Variants in SOS2 observed in about 807,000 individuals in gnomAD.
SOS2 encodes the protein SOS Ras/Rho guanine nucleotide exchange factor 2.
A neutral mutation model predicts 148.2 loss-of-function variants in SOS2; 65 were observed. The ratio of observed to expected loss-of-function variants is 0.44; its 90% CI spans 0.36 to 0.54. The LOEUF (loss-of-function observed/expected upper bound fraction) is 0.54, where lower values mean the gene tolerates loss of function less well. Ranked by LOEUF, SOS2 falls within the 20% of genes least tolerant of loss-of-function variation. The pLI is 0.00. For synonymous variants in SOS2, 539 were observed against 537.1 expected, an observed-to-expected ratio of 1.00 and a Z score of -0.05; for missense variants, 1,341 against 1,590.2, an observed-to-expected ratio of 0.84 and a Z score of 2.67.
At chr14:50,172,685 T>C (rs1885407032) in intron 8 of SOS2, among the ~76,000 whole-genome samples, 1 of 152,080 alleles carries the variant, frequency 6.6e-6, no homozygotes, top group South Asian at 2.1e-4. Flanking sequence ...ATTCATTCTT[T>C]GAAGCCCAAA....
In SOS2 at chr14:50,180,532, TTAAAAAAA is replaced by T. The variant is rs1885698770; in HGVS notation, c.969+32_969+39del. On this transcript the variant is annotated intron_variant, in intron 7 of 22. Coordinates refer to ENST00000216373, the MANE Select transcript of SOS2 (RefSeq NM_006939.4). ...AATAGTGAGATATTTATTTGCTTTA[TTAAAAAAA>T]AAAAAAAAAAAAACCTTCAATTTAA... The T allele has an allele frequency of 1.7e-5, 8 of 466,660 alleles. No individual in the cohort carries two copies. The Admixed American group carries it at 2.3e-4, about 13-fold the overall frequency. 28.9% of individuals were successfully genotyped at this position (466,660 alleles called of 1,614,324 possible).
At chr14:50,192,597 C>A (rs1886179961) in intron 4 of SOS2, among the ~76,000 whole-genome samples, 1 of 151,852 alleles carries the variant, frequency 6.6e-6, no homozygotes, top group Non-Finnish European at 1.5e-5. Context: ...GGCGCAGTAG[C>A]TCATGCCTGT....
chr14:50,202,361 TTTATAG>T (rs1476549590), intron 2 of SOS2, among the ~76,000 whole-genome samples: 2 of 152,212 alleles, frequency 1.3e-5, no homozygotes, highest in African/African-American at 4.8e-5. Flanking sequence ...GTTTCCTATA[TTTATAG>T]TTATAGTCTC....
chr14:50,220,244 C>CAA (rs36053914), intron 1 of SOS2, among the ~76,000 whole-genome samples: 4 of 140,178 alleles, frequency 2.9e-5, no homozygotes, highest in Admixed American at 7.2e-5. Flanking sequence ...ACTAAAAATA[C>CAA]AAAAAAAAAA....
chr14:50,187,768 AT>A (rs1278838462), intron 5 of SOS2, among the ~76,000 whole-genome samples: 1 of 152,188 alleles, frequency 6.6e-6, no homozygotes, highest in Non-Finnish European at 1.5e-5. Flanking sequence ...ATAAACTTTT[AT>A]TTTTAAAAGT....
intron 21 of SOS2, among the ~76,000 whole-genome samples, chr14:50,126,351 CTT>C (rs1352525518): frequency 6.6e-6 from 1 of 152,110 alleles, no homozygotes; most frequent in African/African-American, 2.4e-5. Flanking sequence ...GTCACTGAAA[CTT>C]TGCATCCATT....
intron 9 of SOS2, 125 bp downstream of exon 9, chr14:50,161,357 A>T: frequency 1.3e-6 from 1 of 773,506 alleles, no homozygotes; most frequent in East Asian, 2.6e-5. Context: ...AAAAGTATAT[A>T]AAAGTATGAC....
chr14:50,127,117 C>T (rs2139499312), intron 21 of SOS2, among the ~76,000 whole-genome samples: 1 of 149,620 alleles, frequency 6.7e-6, no homozygotes, highest in South Asian at 2.1e-4. Context: ...TCTTAGCTTC[C>T]TTTGTAACTA....
intron 4 of SOS2, among the ~76,000 whole-genome samples, chr14:50,196,561 CCCA>C (rs1566475609): frequency 3.3e-5 from 5 of 151,992 alleles, no homozygotes; most frequent in Admixed American, 2.6e-4. Flanking sequence ...CCCCATTTCC[CCCA>C]CTCCAGCTAC....
At chr14:50,134,374 A>G in intron 18 of SOS2, 135 bp from the exon 19 acceptor site, 1 of 544,056 alleles carries the variant, frequency 1.8e-6, no homozygotes, top group South Asian at 2.7e-5. Flanking sequence ...AAGAGCCCAC[A>G]ATATGTGAAA....
In SOS2 at chr14:50,177,798, AG is replaced by A. The variant is rs566305147; in HGVS notation, c.969+2773del. Among the ~76,000 whole-genome samples the A allele has an allele frequency of 1.4e-3, 211 of 152,320 alleles. 1 individual carries two copies. Among genetic ancestry groups the A allele is most frequent in the African/African-American group, 4.7e-3 (197 of 41,564 alleles). On this transcript the variant is annotated intron_variant, in intron 7 of 22. Coordinates refer to ENST00000216373, the MANE Select transcript of SOS2 (RefSeq NM_006939.4). ...ATTTATAGTACAGAAGGCAGGGAGA[AG>A]ATGGTAAGTTCAGTTTTAAACATGT...
chr14:50,138,788 G>GT lies in SOS2; in HGVS notation c.2786-5dup, dbSNP rs768715951. The GT allele has an allele frequency of 1.5e-5, 9 of 619,090 alleles. No homozygotes were observed. The highest frequency in any genetic ancestry group is 4.7e-5 in the African/African-American group (2 of 42,888). 38.3% of individuals were successfully genotyped at this position (619,090 alleles called of 1,614,324 possible). A position where few individuals can be genotyped will look rare whatever the true frequency, so the allele number is the denominator to read the frequency against. ...AGAATATTTGTTAAATATATTCCTAGTAAAAAAAAAAAAAGAATTTAAAGA... is the reference window on the plus strand; with the variant it reads ...AGAATATTTGTTAAATATATTCCTAGTTAAAAAAAAAAAAAGAATTTAAAGA... On this transcript the variant is annotated splice_polypyrimidine_tract_variant and splice_region_variant and intron_variant, in intron 17 of 22. Transcript: ENST00000216373.
At chr14:50,200,133 T>G (rs1357967568) in intron 3 of SOS2, among the ~76,000 whole-genome samples, 2 of 152,182 alleles carry the variant, frequency 1.3e-5, no homozygotes, top group African/African-American at 4.8e-5. Flanking sequence ...TAAAAGCCTC[T>G]TAATACATTA....
Position 50,199,865 on chromosome 14 carries a change from G to C in SOS2, c.346-10C>G, listed in dbSNP as rs146395803. 151 of 1,525,744 alleles carry C rather than the reference G, an allele frequency of 9.9e-5. 2 individuals carry two copies. The African/African-American group carries it at 1.8e-3, about 18-fold the overall frequency. The allele number at this position is 1,525,744 out of a possible 1,614,324, so 94.5% of individuals were successfully genotyped here. A position where few individuals can be genotyped will look rare whatever the true frequency, so the allele number is the denominator to read the frequency against. On this transcript the variant is annotated splice_polypyrimidine_tract_variant and intron_variant, in intron 3 of 22. Transcript: ENST00000216373. Reference sequence around the variant, plus strand: ...TGTACCCTAATACTTCCTGTGAAAAGAATAAATAATTTAATTGCAAAATGT... The same window carrying C: ...TGTACCCTAATACTTCCTGTGAAAACAATAAATAATTTAATTGCAAAATGT...
chr14:50,176,346 T>C lies in SOS2; in HGVS notation c.970-1794A>G, dbSNP rs551757084. Reference sequence around the variant, plus strand: ...TTTTATTAGAGCAGCCTGAATAGACTAAGACAGTATTAAACTAATTAATAT... The same window carrying C: ...TTTTATTAGAGCAGCCTGAATAGACCAAGACAGTATTAAACTAATTAATAT... On this transcript the variant is annotated intron_variant, in intron 7 of 22. Transcript: ENST00000216373. Among the ~76,000 whole-genome samples, 12 of 152,348 alleles carry C rather than the reference T, an allele frequency of 7.9e-5. No individual in the cohort carries two copies. The South Asian group carries it at 2.5e-3, about 32-fold the overall frequency.
chr14:50,129,410 A>G (rs1427120812), intron 21 of SOS2, among the ~76,000 whole-genome samples: 2 of 152,074 alleles, frequency 1.3e-5, no homozygotes, highest in African/African-American at 2.4e-5. Flanking sequence ...TTTGAGATGG[A>G]GTCTCACTCC....
At chr14:50,182,974 C>T (rs1428705336) in intron 5 of SOS2, among the ~76,000 whole-genome samples, 1 of 152,086 alleles carries the variant, frequency 6.6e-6, no homozygotes, top group East Asian at 1.9e-4. Context: ...TTATTGGGAG[C>T]ATGATTAAAG....
At chr14:50,136,001 G>A (rs565570911) in intron 18 of SOS2, among the ~76,000 whole-genome samples, 15 of 152,004 alleles carry the variant, frequency 9.9e-5, no homozygotes, top group African/African-American at 2.2e-4. Context: ...AATGGTACTA[G>A]GTTTTAGCTT....
At chr14:50,150,413 A>G (rs1884623406) in intron 13 of SOS2, among the ~76,000 whole-genome samples, 183 bp from the exon 14 acceptor site, 1 of 152,162 alleles carries the variant, frequency 6.6e-6, no homozygotes, top group Admixed American at 6.6e-5. Flanking sequence ...AATCCGAGAC[A>G]TCGTATTTCA....
Sources: gnomAD v4.1 joint callset for allele counts (sites outside exome capture counted in the v4.1 genomes callset) on GRCh38, gnomAD v4.1.1 for gene constraint, MANE v1.5 for transcripts, NCBI Gene and HGNC (gene_info 2026-07-23, HGNC 2026-07-21) for gene names.